The following SPATA17 variants were observed in gnomAD, a reference collection of about 807,000 sequenced individuals.
SPATA17 encodes the protein spermatogenesis-associated protein 17.
Under a neutral mutation model 62.2 loss-of-function variants are expected in SPATA17, and 53 were observed. The ratio of observed to expected loss-of-function variants is 0.85; its 90% CI spans 0.68 to 1.07. The LOEUF (loss-of-function observed/expected upper bound fraction) is 1.07, where lower values mean the gene tolerates loss of function less well. SPATA17 is among the 50% of genes least tolerant of loss of function. SPATA17 has a pLI of 0.00. For synonymous variants in SPATA17, 146 were observed against 146.8 expected (o/e 0.99, Z 0.04); for missense variants, 466 against 425.5 (o/e 1.10, Z -0.84).
intron 8 of SPATA17, among the ~76,000 whole-genome samples, chr1:217,795,496 A>G (rs1309706465): frequency 1.3e-5 from 2 of 150,242 alleles, no homozygotes; most frequent in Non-Finnish European, 3.0e-5. Context: ...CAGTCTCCCA[A>G]GTAGCTGGGA....
intron 6 of SPATA17, among the ~76,000 whole-genome samples, chr1:217,755,038 C>G (rs12044392): frequency 6.6e-6 from 1 of 151,898 alleles, no homozygotes; most frequent in South Asian, 2.1e-4. Flanking sequence ...ATGAAATAAT[C>G]TATAAATTTT....
rs570960781 is a variant in SPATA17 at position 217,871,200 on chromosome 1, G to C, written c.*4181G>C. ...CATATCTGTAAACTTTGGTATAATT[G>C]GTTATTTATGCAATGTATTGTTGTG... On this transcript the variant is annotated 3_prime_UTR_variant, in exon 11 of 11. Transcript: ENST00000366933. 1 of 152,126 alleles carries C rather than the reference G, an allele frequency of 6.6e-6. No individual in the cohort carries two copies. The highest frequency in any genetic ancestry group is 6.6e-5 in the Admixed American group (1 of 15,264). The allele number at this position is 152,126 out of a possible 1,614,324, so 9.4% of individuals were successfully genotyped here. A position where few individuals can be genotyped will look rare whatever the true frequency, so the allele number is the denominator to read the frequency against.
chr1:217,833,466 G>A (rs1675193047), intron 9 of SPATA17, among the ~76,000 whole-genome samples: 1 of 152,092 alleles, frequency 6.6e-6, no homozygotes, highest in South Asian at 2.1e-4. Flanking sequence ...CATGCCTATG[G>A]GCTTGGGCTT....
At chr1:217,749,735 C>A (rs1199218888) in intron 6 of SPATA17, among the ~76,000 whole-genome samples, 1 of 151,600 alleles carries the variant, frequency 6.6e-6, no homozygotes, top group African/African-American at 2.4e-5. Context: ...TCTAAAAGAG[C>A]ATTTTTATTT....
intron 6 of SPATA17, among the ~76,000 whole-genome samples, chr1:217,771,571 C>G (rs912330740): frequency 7.0e-4 from 107 of 152,142 alleles, no homozygotes; most frequent in African/African-American, 2.5e-3. Flanking sequence ...TTTGCCTGCT[C>G]TAGGGATTGT....
intron 9 of SPATA17, among the ~76,000 whole-genome samples, chr1:217,815,977 C>T (rs1444642864): frequency 2.0e-5 from 3 of 152,100 alleles, no homozygotes; most frequent in Admixed American, 6.6e-5. Context: ...TATGTATTAT[C>T]GAACTGCTCT....
intron 5 of SPATA17, among the ~76,000 whole-genome samples, chr1:217,703,174 C>CTTTTTTTTTTTTTTTTTTTTTTTT: frequency 9.5e-6 from 1 of 105,512 alleles, no homozygotes; most frequent in Non-Finnish European, 1.9e-5. Context: ...TGCGCTCGGC[C>CTTTTTTTTTTTTTTTTTTTTTTTT]TTTTTTTTTT....
At chr1:217,779,580 T>G (rs893144965) in intron 7 of SPATA17, among the ~76,000 whole-genome samples, 4 of 151,968 alleles carry the variant, frequency 2.6e-5, no homozygotes, top group Non-Finnish European at 5.9e-5. Context: ...TCTCTTTACT[T>G]CCTTTGCCTC....
At chr1:217,818,337 A>AT (rs1674774144) in intron 9 of SPATA17, among the ~76,000 whole-genome samples, 1 of 152,070 alleles carries the variant, frequency 6.6e-6, no homozygotes, top group African/African-American at 2.4e-5. Context: ...CATCACTTTA[A>AT]TGGGGATATG....
chr1:217,739,223 T>C (rs1161494797), intron 5 of SPATA17, among the ~76,000 whole-genome samples: 1 of 152,190 alleles, frequency 6.6e-6, no homozygotes, highest in Non-Finnish European at 1.5e-5. Flanking sequence ...CTTTATATGG[T>C]AGAAGACAGG....
chr1:217,698,067 G>A (rs1448891516), intron 5 of SPATA17, among the ~76,000 whole-genome samples: 1 of 152,032 alleles, frequency 6.6e-6, no homozygotes, highest in African/African-American at 2.4e-5. Flanking sequence ...AGGCCAAGGA[G>A]GGCAGATCAC....
chr1:217,834,127 C>T (rs886557806), intron 9 of SPATA17, among the ~76,000 whole-genome samples: 3 of 152,090 alleles, frequency 2.0e-5, no homozygotes, highest in Non-Finnish European at 2.9e-5. Flanking sequence ...GTAGAGATGT[C>T]GTGCCACATT....
chr1:217,702,795 TCC>T (rs1409148531), intron 5 of SPATA17, among the ~76,000 whole-genome samples: 3 of 152,224 alleles, frequency 2.0e-5, no homozygotes, highest in Non-Finnish European at 4.4e-5. Flanking sequence ...ATTAGCTTTA[TCC>T]CATATGTTCT....
chr1:217,802,424 A>T (rs911672336), intron 9 of SPATA17, among the ~76,000 whole-genome samples: 4 of 152,180 alleles, frequency 2.6e-5, no homozygotes, highest in Non-Finnish European at 1.5e-5. Flanking sequence ...AGTACTATAG[A>T]CTATGTGGCT....
chr1:217,738,920 C>T (rs1672570055), intron 5 of SPATA17, among the ~76,000 whole-genome samples: 1 of 152,098 alleles, frequency 6.6e-6, no homozygotes, highest in African/African-American at 2.4e-5. Context: ...CCACTGCACT[C>T]CAGCGTGGGT....
chr1:217,752,095 G>A (rs1030404474), intron 6 of SPATA17, among the ~76,000 whole-genome samples: 40 of 152,290 alleles, frequency 2.6e-4, no homozygotes, highest in African/African-American at 8.9e-4. Context: ...CTGGAGTGCA[G>A]TGGCGTGATC....
chr1:217,849,873 G>C lies in SPATA17; in HGVS notation c.1006-12901G>C, dbSNP rs527454346. Among the ~76,000 whole-genome samples, 17 of 152,214 alleles carry C rather than the reference G, an allele frequency of 1.1e-4. No individual in the cohort carries two copies. In the South Asian group the frequency reaches 1.7e-3, roughly 15 times the overall value. The stretch of plus-strand genomic sequence containing the variant: ...GAGATATCTGAAGATTCTAATGCCT[G>C]ACGGTTTCTGGGTTTAAGTAGGAAA... On this transcript the variant is annotated intron_variant, in intron 9 of 10. Transcript: ENST00000366933.
chr1:217,646,995 C>T (rs983732496), intron 1 of SPATA17, among the ~76,000 whole-genome samples: 2 of 152,130 alleles, frequency 1.3e-5, no homozygotes, highest in Admixed American at 1.3e-4. Context: ...AAGATGTGAC[C>T]TTGGGCATAT....
intron 10 of SPATA17, 196 bp from the exon 11 acceptor site, chr1:217,866,826 T>C (rs1459474241): frequency 6.6e-6 from 1 of 151,378 alleles, no homozygotes; most frequent in African/African-American, 2.4e-5. Context: ...TAAGAACTCA[T>C]GTTTCTGAAG....
Sources: gnomAD v4.1 joint callset for allele counts (sites outside exome capture counted in the v4.1 genomes callset) on GRCh38, gnomAD v4.1.1 for gene constraint, MANE v1.5 for transcripts, NCBI Gene and HGNC (gene_info 2026-07-23, HGNC 2026-07-21) for gene names.